GPR158: variants seen among roughly 807,000 people sequenced by gnomAD.
GPR158 encodes the protein G protein-coupled receptor 158.
Under a neutral mutation model 78.2 loss-of-function variants are expected in GPR158, and 30 were observed. The ratio of observed to expected loss-of-function variants is 0.38; its 90% CI spans 0.29 to 0.52. The LOEUF (loss-of-function observed/expected upper bound fraction) is 0.52. Among genes scored for constraint, GPR158 ranks in the 20% least tolerant of loss-of-function variants. The pLI, the probability that GPR158 is intolerant of heterozygous loss-of-function variation, is 0.83. For missense variants in GPR158, 1,463 were observed against 1,523.5 expected (o/e 0.96, Z 0.66); for synonymous variants, 581 against 591.1 (o/e 0.98, Z 0.25).
intron 5 of GPR158, among the ~76,000 whole-genome samples, chr10:25,474,027 C>T (rs1357617789): frequency 6.6e-6 from 1 of 151,872 alleles, no homozygotes; most frequent in African/African-American, 2.4e-5. Context: ...ACCATGGATC[C>T]TAAGTGAAAA....
intron 5 of GPR158, among the ~76,000 whole-genome samples, chr10:25,472,764 T>C (rs1359396266): frequency 6.6e-6 from 1 of 151,582 alleles, no homozygotes; most frequent in Non-Finnish European, 1.5e-5. Context: ...CTGTTTGTTA[T>C]TGGTGTACAA....
At chr10:25,533,990 G>C (rs1301110189) in intron 5 of GPR158, among the ~76,000 whole-genome samples, 1 of 152,118 alleles carries the variant, frequency 6.6e-6, no homozygotes, top group Non-Finnish European at 1.5e-5. Flanking sequence ...TTTATGTAGG[G>C]CACTTAAAAA....
Position 25,231,316 on chromosome 10 carries a change from G to A in GPR158, c.1008+10159G>A, listed in dbSNP as rs550563774. Among the ~76,000 whole-genome samples the A allele has an allele frequency of 3.9e-5, 6 of 152,250 alleles. No homozygotes were observed. In the East Asian group the frequency reaches 1.2e-3, roughly 29 times the overall value. ...TTCGATTGCAAATCTGGGATAATCT[G>A]AGCCAGAAAGGAGGCAATATTATAG... is the stretch of plus-strand genomic sequence containing the variant. On this transcript the variant is annotated intron_variant, in intron 2 of 10. Coordinates refer to ENST00000376351, the MANE Select transcript of GPR158 (RefSeq NM_020752.3).
chr10:25,199,977 T>C (rs950404240), intron 1 of GPR158, among the ~76,000 whole-genome samples: 1 of 152,208 alleles, frequency 6.6e-6, no homozygotes, highest in African/African-American at 2.4e-5. Context: ...AGTGAACATA[T>C]GTATGCATGT....
chr10:25,374,967 A>G (rs555149018), intron 2 of GPR158, among the ~76,000 whole-genome samples: 1 of 151,882 alleles, frequency 6.6e-6, no homozygotes, highest in Admixed American at 6.6e-5. Flanking sequence ...AGCAATTTCC[A>G]AAGCATTTTC....
In GPR158 at chr10:25,465,899, T is replaced by A. The variant is rs1025214581; in HGVS notation, c.1336-752T>A. Among the ~76,000 whole-genome samples, 3 of 152,332 alleles carry A rather than the reference T, an allele frequency of 2.0e-5. No individual in the cohort carries two copies. The East Asian group carries it at 5.8e-4, about 29-fold the overall frequency. The stretch of plus-strand genomic sequence containing the variant: ...AAGTGGCTAAGTTGGCTGTTCTTCC[T>A]GGGTCAATAGGGACTTCCTTAAAGG... On this transcript the variant is annotated intron_variant, in intron 4 of 10. Transcript: ENST00000376351.
At position 25,254,956 on chromosome 10, in the gene GPR158, G is replaced by A. The variant is rs182640122; in HGVS notation, c.1008+33799G>A. On this transcript the variant is annotated intron_variant, in intron 2 of 10. Coordinates refer to ENST00000376351, the MANE Select transcript of GPR158 (RefSeq NM_020752.3). The stretch of plus-strand genomic sequence containing the variant: ...CTTGAAATCAACATAGAAAGTCTTC[G>A]AGTAGTCCTTCTGGGTCTATTACTT... 6.4e-3 allele frequency among the ~76,000 whole-genome samples: 975 copies of A among 152,168 alleles called. 11 individuals carry two copies. Among genetic ancestry groups the A allele is most frequent in the African/African-American group, 0.016 (645 of 41,510 alleles).
At chr10:25,541,959 A>G (rs1362490794) in intron 5 of GPR158, among the ~76,000 whole-genome samples, 1 of 147,466 alleles carries the variant, frequency 6.8e-6, no homozygotes, top group Non-Finnish European at 1.5e-5. Context: ...TATAAATTAT[A>G]TATTATATAT....
intron 2 of GPR158, among the ~76,000 whole-genome samples, chr10:25,238,038 A>C (rs570664143): frequency 1.9e-4 from 29 of 151,706 alleles, no homozygotes; most frequent in Admixed American, 1.1e-3. Context: ...TTTTTAAAAA[A>C]ATTCTTGTCT....
intron 5 of GPR158, among the ~76,000 whole-genome samples, chr10:25,540,944 AAATATATAT>A (rs1836570868): frequency 2.1e-5 from 1 of 47,268 alleles, no homozygotes; most frequent in African/African-American, 9.3e-5. Context: ...AGTATAATAA[AAATATATAT>A]ATATATATAT....
chr10:25,310,786 T>C (rs1854752904), intron 2 of GPR158, among the ~76,000 whole-genome samples: 1 of 152,076 alleles, frequency 6.6e-6, no homozygotes, highest in Non-Finnish European at 1.5e-5. Context: ...TAGTTAGAGA[T>C]CTTTTTCTAC....
chr10:25,321,230 G>T (rs1825544789), intron 2 of GPR158, among the ~76,000 whole-genome samples: 2 of 152,140 alleles, frequency 1.3e-5, no homozygotes, highest in Admixed American at 6.5e-5. Flanking sequence ...TTTTATTGGT[G>T]TGAAACTGGA....
chr10:25,561,264 TA>T (rs1021888088), intron 6 of GPR158, among the ~76,000 whole-genome samples: 1 of 152,126 alleles, frequency 6.6e-6, no homozygotes, highest in Non-Finnish European at 1.5e-5. Flanking sequence ...ACATTACATT[TA>T]AAAAAATAAT....
At chr10:25,404,724 G>T in intron 3 of GPR158, among the ~76,000 whole-genome samples, 1 of 152,196 alleles carries the variant, frequency 6.6e-6, no homozygotes, top group African/African-American at 2.4e-5. Context: ...TTCTTAGAGG[G>T]CTCACAGTTT....
At chr10:25,185,109 G>T (rs1456981120) in intron 1 of GPR158, among the ~76,000 whole-genome samples, 8 of 152,282 alleles carry the variant, frequency 5.3e-5, no homozygotes, top group African/African-American at 1.4e-4. Flanking sequence ...AATATCCCCT[G>T]TGGGGCAAAA....
At chr10:25,302,343 C>G (rs1483849493) in intron 2 of GPR158, among the ~76,000 whole-genome samples, 1 of 151,828 alleles carries the variant, frequency 6.6e-6, no homozygotes, top group Admixed American at 6.6e-5. Context: ...CTTGGCTTCC[C>G]AAAGCGCTGG....
intron 7 of GPR158, among the ~76,000 whole-genome samples, chr10:25,580,178 C>G (rs1282675646): frequency 6.6e-6 from 1 of 152,146 alleles, no homozygotes; most frequent in African/African-American, 2.4e-5. Context: ...AGTCTAATTC[C>G]ATTTGGAAAT....
intron 2 of GPR158, among the ~76,000 whole-genome samples, chr10:25,293,556 C>G (rs898479904): frequency 1.3e-5 from 2 of 152,010 alleles, no homozygotes; most frequent in African/African-American, 4.8e-5. Context: ...AAATAACGAC[C>G]AAATTTTCTT....
intron 2 of GPR158, among the ~76,000 whole-genome samples, chr10:25,374,992 AT>A (rs1834056320): frequency 6.6e-6 from 1 of 151,702 alleles, no homozygotes; most frequent in Non-Finnish European, 1.5e-5. Context: ...TGGTTGTACC[AT>A]TTTACATCCC....
Sources: gnomAD v4.1 joint callset for allele counts (sites outside exome capture counted in the v4.1 genomes callset) on GRCh38, gnomAD v4.1.1 for gene constraint, MANE v1.5 for transcripts, NCBI Gene and HGNC (gene_info 2026-07-23, HGNC 2026-07-21) for gene names.